The following MAPK8IP3 variants were observed in gnomAD, a reference collection of about 807,000 sequenced individuals.
MAPK8IP3 encodes the protein C-Jun-amino-terminal kinase-interacting protein 3.
A neutral mutation model predicts 157.8 loss-of-function variants in MAPK8IP3; 49 were observed. The ratio of observed to expected loss-of-function variants is 0.31; its 90% CI spans 0.25 to 0.39. The LOEUF is 0.39. Ranked by LOEUF, MAPK8IP3 falls within the 10% of genes least tolerant of loss-of-function variation. MAPK8IP3 has a pLI of 1.00. For missense variants in MAPK8IP3, 1,478 were observed against 1,889.4 expected, an observed-to-expected ratio of 0.78 and a Z score of 4.04; for synonymous variants, 897 against 777.7, an observed-to-expected ratio of 1.15 and a Z score of -2.55.
chr16:1,744,992 A>G lies in MAPK8IP3; in HGVS notation c.747+1516A>G, dbSNP rs1020468270. ...TGTATTTTCAGTGTTTTAACCAAAC[A>G]GTTGTGGCTACTCATGGTGAGGAAT... On this transcript the variant is annotated intron_variant, in intron 5 of 31. Coordinates refer to ENST00000610761, the MANE Select transcript of MAPK8IP3 (RefSeq NM_001318852.2). The G allele has an allele frequency of 1.4e-5, 14 of 985,166 alleles. No individual in the cohort carries two copies. The African/African-American group carries it at 2.1e-4, about 15-fold the overall frequency. 61.0% of individuals were successfully genotyped at this position (985,166 alleles called of 1,614,324 possible). A position where few individuals can be genotyped will look rare whatever the true frequency, so the allele number is the denominator to read the frequency against.
rs368749969 is a variant in MAPK8IP3, at chr16:1,738,158, ATC to A, written c.603-5172_603-5171del. Among the ~76,000 whole-genome samples the A allele has an allele frequency of 7.1e-3, 493 of 69,864 alleles. 20 individuals carry two copies. Among genetic ancestry groups the A allele is most frequent in the South Asian group, 0.025 (24 of 958 alleles). The allele number at this position is 69,864 out of a possible 152,430, so 45.8% of individuals were successfully genotyped here. On this transcript the variant is annotated intron_variant, in intron 4 of 31. Coordinates refer to ENST00000610761, the MANE Select transcript of MAPK8IP3 (RefSeq NM_001318852.2). ...CGTGTGTGTGACCATCCATGTGAGC[ATC>A]TGTGTGACCGTCCGTGTGAGCGTCC...
At position 1,766,200 on chromosome 16, in the gene MAPK8IP3, G is replaced by A; in HGVS notation, c.2630-20G>A. The A allele has an allele frequency of 1.2e-6, 2 of 1,604,200 alleles. No homozygotes were observed. Among genetic ancestry groups the A allele is most frequent in the Non-Finnish European group, 1.7e-6 (2 of 1,174,136 alleles). On this transcript the variant is annotated intron_variant, in intron 21 of 31. Coordinates refer to ENST00000610761, the MANE Select transcript of MAPK8IP3 (RefSeq NM_001318852.2). ...ATTCCCACGTTTCTGCCCAGCCCAAGCTCACCTCTCCTAACACAGGGGAGG... is the reference window on the plus strand; with the variant it reads ...ATTCCCACGTTTCTGCCCAGCCCAAACTCACCTCTCCTAACACAGGGGAGG...
chr16:1,747,636 G>T (rs536989639), intron 6 of MAPK8IP3, among the ~76,000 whole-genome samples: 1 of 152,326 alleles, frequency 6.6e-6, no homozygotes, highest in African/African-American at 2.4e-5. Flanking sequence ...CATGCTAGGG[G>T]GTATCTATTA....
At chr16:1,738,240 AT>A (rs2040213078) in intron 4 of MAPK8IP3, among the ~76,000 whole-genome samples, 1 of 58,690 alleles carries the variant, frequency 1.7e-5, no homozygotes, top group Admixed American at 2.5e-4. Flanking sequence ...GTGACCATCC[AT>A]TTGAGCATCC....
chr16:1,728,157 G>A (rs191716899), intron 2 of MAPK8IP3, among the ~76,000 whole-genome samples: 3 of 152,344 alleles, frequency 2.0e-5, no homozygotes, highest in African/African-American at 7.2e-5. Context: ...CCTGGCTGCG[G>A]CTGCCCGTCG....
At chr16:1,766,676 G>A (rs951752712) in intron 23 of MAPK8IP3, 28 bp downstream of exon 23, 1 of 1,612,536 alleles carries the variant, frequency 6.2e-7, no homozygotes, top group South Asian at 1.1e-5. Flanking sequence ...CAAGGTGGAG[G>A]GAGGGTCCTG....
chr16:1,764,274 C>CA (rs1596792577), intron 18 of MAPK8IP3, 27 bp from the exon 19 acceptor site: 2 of 1,587,378 alleles, frequency 1.3e-6, no homozygotes, highest in African/African-American at 2.7e-5. Flanking sequence ...GTGCCGGTGA[C>CA]ACCCGACCTC....
At chr16:1,737,525 AGT>A (rs372938518) in intron 4 of MAPK8IP3, among the ~76,000 whole-genome samples, 666 of 42,610 alleles carry the variant, frequency 0.016, 44 homozygotes, top group Non-Finnish European at 0.019. Context: ...CGTCCGTGTG[AGT>A]GTGTGACCAT....
rs771204797 is a variant in MAPK8IP3 at position 1,762,703 on chromosome 16, GAGA to G, written c.1708_1710del (p.Lys570del). 1.5e-5 allele frequency: 24 copies of G among 1,571,348 alleles called. No homozygotes were observed. Among genetic ancestry groups the G allele is most frequent in the East Asian group, 2.3e-5 (1 of 44,444 alleles). On this transcript the variant is annotated inframe_deletion, in exon 15 of 32. Coordinates refer to ENST00000610761, the MANE Select transcript of MAPK8IP3 (RefSeq NM_001318852.2). ...GTCCCGAGAGCACCCATCCGTCCAGGAGAAGAAGAAGTCGACCATCTGGCAGTT... is the reference window on the plus strand; with the variant it reads ...GTCCCGAGAGCACCCATCCGTCCAGGAGAAGAAGTCGACCATCTGGCAGTT...
chr16:1,762,820 C>T lies in MAPK8IP3; in HGVS notation c.1728-16C>T, dbSNP rs1201155440. ...TGGTCCTCTGCCCACCCCTCACCTC[C>T]CTGTGCCTCTGGCAGCTTCAGCCGC... On this transcript the variant is annotated splice_polypyrimidine_tract_variant and intron_variant, in intron 15 of 31. Transcript: ENST00000610761. 1 of 1,610,844 alleles carries T rather than the reference C, an allele frequency of 6.2e-7. No homozygotes were observed. The highest frequency in any genetic ancestry group is 8.5e-7 in the Non-Finnish European group (1 of 1,178,108).
rs551528090 is a variant in MAPK8IP3, at chr16:1,748,150, A to C, written c.995-94A>C. On this transcript the variant is annotated intron_variant, in intron 6 of 31. Transcript: ENST00000610761. ...CCCACCTAGCAGGTGGTCCAGCTCCAGCCCACCAGACTCAGGTTCCGAGGG... is the reference window on the plus strand; with the variant it reads ...CCCACCTAGCAGGTGGTCCAGCTCCCGCCCACCAGACTCAGGTTCCGAGGG... 2.3e-4 allele frequency: 213 copies of C among 907,512 alleles called. No homozygotes were observed. In the African/African-American group the frequency reaches 2.9e-3, roughly 12 times the overall value. 56.2% of individuals were successfully genotyped at this position (907,512 alleles called of 1,614,324 possible).
At chr16:1,758,368 C>A (rs1422171303) in intron 9 of MAPK8IP3, among the ~76,000 whole-genome samples, 1 of 152,216 alleles carries the variant, frequency 6.6e-6, no homozygotes, top group Non-Finnish European at 1.5e-5. Flanking sequence ...GATATCCAAC[C>A]CCCCCAGCCT....
intron 4 of MAPK8IP3, among the ~76,000 whole-genome samples, chr16:1,739,648 G>A (rs111208276): frequency 0.086 from 8,641 of 100,026 alleles, 744 homozygotes; most frequent in East Asian, 0.17. Context: ...GTGACCGTCC[G>A]TGTGAGCATC....
chr16:1,767,606 C>A lies in MAPK8IP3; in HGVS notation c.3280C>A (p.Gln1094Lys). 1 of 1,612,516 alleles carries A rather than the reference C, an allele frequency of 6.2e-7. No homozygotes were observed. The highest frequency in any genetic ancestry group is 8.5e-7 in the Non-Finnish European group (1 of 1,179,930). ...AHPRRESQVRQLAWIGDGVWV... is the reference protein window; with the variant it reads ...AHPRRESQVRKLAWIGDGVWV... ...CCCGCGGCGGGAGAGCCAGGTGCGG[C>A]AGCTGGCGTGGATCGGCGATGGCGT... Residue 1094 changes from glutamine to lysine, a missense_variant, in exon 27 of 32, where the codon CAG becomes AAG. Coordinates refer to ENST00000610761, the MANE Select transcript of MAPK8IP3 (RefSeq NM_001318852.2).
intron 1 of MAPK8IP3, among the ~76,000 whole-genome samples, chr16:1,711,974 T>C (rs1446772742): frequency 1.4e-5 from 2 of 144,082 alleles, no homozygotes; most frequent in Non-Finnish European, 1.5e-5. Flanking sequence ...AAAAGAAAAC[T>C]GAGGTCCCGA....
chr16:1,765,161 G>A lies in MAPK8IP3; in HGVS notation c.2429G>A (p.Cys810Tyr). The change falls in exon 20 of 32, where the codon TGC (cysteine) becomes TAC (tyrosine). Residue 810 changes from cysteine (C) to tyrosine (Y), a missense_variant. This residue lies in a region of MAPK8IP3 where 669 missense variants were observed against 759.8 expected (regional missense o/e 0.88). Coordinates refer to ENST00000610761, the MANE Select transcript of MAPK8IP3 (RefSeq NM_001318852.2). The part of the protein sequence containing the change: ...QFTVCNAHVL[C>Y]ISSIPAASDS... ...ACCGTCTGCAACGCGCACGTGCTGTGCATCTCCAGCATCCCCGGTGAGCAG... is the reference window on the plus strand; with the variant it reads ...ACCGTCTGCAACGCGCACGTGCTGTACATCTCCAGCATCCCCGGTGAGCAG... The A allele has an allele frequency of 3.1e-6, 5 of 1,595,848 alleles. No individual in the cohort carries two copies. The highest frequency in any genetic ancestry group is 3.4e-6 in the Non-Finnish European group (4 of 1,166,162).
At chr16:1,768,043 C>T (rs771031537) in intron 28 of MAPK8IP3, 26 bp from the exon 29 acceptor site, 182 of 1,612,174 alleles carry the variant, frequency 1.1e-4, no homozygotes, top group Non-Finnish European at 1.4e-4. Flanking sequence ...CTCTCCTCTT[C>T]TCCCATGCTC....
At chr16:1,760,946 C>T (rs908633848) in intron 12 of MAPK8IP3, among the ~76,000 whole-genome samples, 1 of 152,176 alleles carries the variant, frequency 6.6e-6, no homozygotes, top group Non-Finnish European at 1.5e-5. Context: ...AGCCAGGGCC[C>T]CTCTGCTTTG....
At position 1,761,317 on chromosome 16, in the gene MAPK8IP3, C is replaced by G; in HGVS notation, c.1539+12C>G. The G allele has an allele frequency of 6.2e-7, 1 of 1,609,544 alleles. No homozygotes were observed. Among genetic ancestry groups the G allele is most frequent in the South Asian group, 1.1e-5 (1 of 91,046 alleles). On this transcript the variant is annotated intron_variant, in intron 13 of 31. Transcript: ENST00000610761. Reference sequence around the variant, plus strand: ...TCTGTACAGAATCGGTACATCCACTCTTCACTCTTCACATGCGGGGCGTCC... The same window carrying G: ...TCTGTACAGAATCGGTACATCCACTGTTCACTCTTCACATGCGGGGCGTCC...
Sources: gnomAD v4.1 joint callset for allele counts (sites outside exome capture counted in the v4.1 genomes callset) on GRCh38, gnomAD v4.1.1 for gene constraint, gnomAD v4.1.1 regional missense constraint, MANE v1.5 for transcripts, NCBI Gene and HGNC (gene_info 2026-07-23, HGNC 2026-07-21) for gene names.